Variants in TPGS1 observed in about 807,000 individuals in gnomAD.
TPGS1 encodes gene trap ROSA b-geo 22.
Under a neutral mutation model 11.9 loss-of-function variants are expected in TPGS1, and 18 were observed. That is an observed-to-expected ratio of 1.51 (90% confidence interval 1.04 to 2.24). The LOEUF (loss-of-function observed/expected upper bound fraction) is 2.24, where lower values mean the gene tolerates loss of function less well. TPGS1 is among the 30% of genes most tolerant of loss of function. The pLI is 0.00. For missense variants in TPGS1, 500 were observed against 443.0 expected, an observed-to-expected ratio of 1.13 and a Z score of -1.16; for synonymous variants, 247 against 218.2, an observed-to-expected ratio of 1.13 and a Z score of -1.16.
Position 519,156 on chromosome 19 carries a change from C to A in TPGS1, c.606C>A (p.Phe202Leu), listed in dbSNP as rs947833251. Residue 202 changes from phenylalanine (F) to leucine (L), a missense_variant, in exon 2 of 2, where the codon TTC becomes TTA. By Grantham distance (22) the Phe-to-Leu change is conservative. Coordinates refer to ENST00000359315, the MANE Select transcript of TPGS1 (RefSeq NM_033513.3). ...LEFVARAGAL[F>L]QLLEDSAAAV... The stretch of plus-strand genomic sequence containing the variant: ...TCGTGGCGCGCGCCGGCGCGCTCTT[C>A]CAGCTGCTGGAGGACTCGGCCGCCG... 8 of 1,511,104 alleles carry A rather than the reference C, an allele frequency of 5.3e-6. No individual in the cohort carries two copies. The highest frequency in any genetic ancestry group is 1.4e-5 in the African/African-American group (1 of 69,394). 93.6% of individuals were successfully genotyped at this position (1,511,104 alleles called of 1,614,324 possible).
intron 1 of TPGS1, among the ~76,000 whole-genome samples, chr19:512,814 G>C (rs906303535): frequency 6.6e-6 from 1 of 152,224 alleles, no homozygotes; most frequent in African/African-American, 2.4e-5. Context: ...CCTCCGAGGC[G>C]GGTCACGAAG....
chr19:507,607 G>A lies in TPGS1; in HGVS notation c.101G>A (p.Ser34Asn), dbSNP rs1443836262. 1.2e-5 allele frequency: 17 copies of A among 1,400,968 alleles called. No homozygotes were observed. The highest frequency in any genetic ancestry group is 1.5e-5 in the South Asian group (1 of 66,334). The allele number at this position is 1,400,968 out of a possible 1,614,324, so 86.8% of individuals were successfully genotyped here. A position where few individuals can be genotyped will look rare whatever the true frequency, so the allele number is the denominator to read the frequency against. ...SVSRAAGAAESEEDFLRQVGV... is the reference protein window; with the variant it reads ...SVSRAAGAAENEEDFLRQVGV... Reference sequence around the variant, plus strand: ...TCCCGGGCGGCGGGGGCGGCCGAGAGCGAGGAGGACTTCCTGCGGCAGGTC... The same window carrying A: ...TCCCGGGCGGCGGGGGCGGCCGAGAACGAGGAGGACTTCCTGCGGCAGGTC... Residue 34 changes from serine (S) to asparagine (N), a missense_variant, in exon 1 of 2, where the codon AGC becomes AAC. Transcript: ENST00000359315.
At chr19:509,158 G>C (rs4919909) in intron 1 of TPGS1, 33,440 of 152,130 alleles carry the variant, frequency 0.22, 4,453 homozygotes, top group Admixed American at 0.34. Context: ...CAGGAGAGAT[G>C]AGAAGAGCTC....
At chr19:516,393 T>C (rs1978955668) in intron 1 of TPGS1, among the ~76,000 whole-genome samples, 1 of 151,722 alleles carries the variant, frequency 6.6e-6, no homozygotes, top group African/African-American at 2.4e-5. Flanking sequence ...TTTTTCTTTT[T>C]TTTTTTTTTG....
intron 1 of TPGS1, chr19:509,956 C>CT (rs1978735275): frequency 6.6e-6 from 1 of 152,318 alleles, no homozygotes; most frequent in Admixed American, 6.5e-5. Flanking sequence ...CACAGACCTG[C>CT]GTGGCATCTG....
chr19:511,686 A>C (rs1053921802), intron 1 of TPGS1, among the ~76,000 whole-genome samples: 1 of 152,248 alleles, frequency 6.6e-6, no homozygotes, highest in Non-Finnish European at 1.5e-5. Context: ...GAGCTGGACC[A>C]GGGCTGCCGC....
chr19:519,032 TGGC>T lies in TPGS1; in HGVS notation c.484_486del (p.Ala162del). ...GACGGCCAAGCCCCCGAGGAGGTGG[TGGC>T]GCCGCTGCTGCGCAAGGTGCAGTGC... On this transcript the variant is annotated inframe_deletion, in exon 2 of 2. Transcript: ENST00000359315. The T allele has an allele frequency of 1.3e-6, 2 of 1,554,874 alleles. No individual in the cohort carries two copies. Among genetic ancestry groups the T allele is most frequent in the Non-Finnish European group, 1.7e-6 (2 of 1,156,736 alleles).
At chr19:516,310 A>G (rs1978952197) in intron 1 of TPGS1, among the ~76,000 whole-genome samples, 1 of 152,138 alleles carries the variant, frequency 6.6e-6, no homozygotes, top group Admixed American at 6.5e-5. Flanking sequence ...TAAGGCGGGA[A>G]CTACGTGAGG....
Position 519,381 on chromosome 19 carries a change from G to A in TPGS1, c.831G>A (p.Arg277=). The part of the protein sequence containing the change: ...APMTREEFLE[R]AAALFIAKVK... ...TGACCCGCGAGGAGTTTCTGGAGAG[G>A]GCCGCCGCGCTCTTCATCGCGAAGG... The change falls in exon 2 of 2, where the codon AGG becomes AGA. Residue 277 remains arginine (R), a synonymous_variant. Transcript: ENST00000359315. 1 of 1,225,104 alleles carries A rather than the reference G, an allele frequency of 8.2e-7. No individual in the cohort carries two copies. The highest frequency in any genetic ancestry group is 3.5e-5 in the South Asian group (1 of 28,486). The allele number at this position is 1,225,104 out of a possible 1,614,324, so 75.9% of individuals were successfully genotyped here.
Position 519,066 on chromosome 19 carries a change from C to T in TPGS1, c.516C>T (p.Asp172=). 2 of 1,537,486 alleles carry T rather than the reference C, an allele frequency of 1.3e-6. No individual in the cohort carries two copies. The highest frequency in any genetic ancestry group is 1.7e-6 in the Non-Finnish European group (2 of 1,148,202). Residue 172 remains aspartate (D), a synonymous_variant, in exon 2 of 2, where the codon GAC becomes GAT. Transcript: ENST00000359315. ...TGCTGCGCAAGGTGCAGTGCCGTGA[C>T]CACGAGGCGGTGCCGCTGAGCGTCT... The part of the protein sequence containing the change: ...APLLRKVQCR[D]HEAVPLSVFR...
At position 518,957 on chromosome 19, in the gene TPGS1, C is replaced by A. The variant is rs117112129; in HGVS notation, c.407C>A (p.Pro136Gln). The A allele has an allele frequency of 0.055, 86,405 of 1,583,862 alleles. 2,749 individuals carry two copies. The highest frequency in any genetic ancestry group is 0.1 in the South Asian group (9,264 of 88,858). The change falls in exon 2 of 2, where the codon CCG (proline) becomes CAG (glutamine). Residue 136 changes from proline to glutamine, a missense_variant. Pro to Gln is a moderately conservative substitution (Grantham distance 76). Coordinates refer to ENST00000359315, the MANE Select transcript of TPGS1 (RefSeq NM_033513.3). ...CLSAGGRRKR[P>Q]GLDGRTYSEL... Reference sequence around the variant, plus strand: ...AGCGCCGGCGGGCGCAGGAAGAGGCCGGGGCTGGACGGGCGCACCTACAGC... The same window carrying A: ...AGCGCCGGCGGGCGCAGGAAGAGGCAGGGGCTGGACGGGCGCACCTACAGC...
At chr19:514,392 G>A (rs941641290) in intron 1 of TPGS1, among the ~76,000 whole-genome samples, 2 of 151,062 alleles carry the variant, frequency 1.3e-5, no homozygotes, top group East Asian at 2.0e-4. Flanking sequence ...ACTGCACACC[G>A]CCCCAGCATT....
chr19:508,744 C>T (rs1392965048), intron 1 of TPGS1: 1 of 152,520 alleles, frequency 6.6e-6, no homozygotes, highest in African/African-American at 2.4e-5. Context: ...CCATGGCAGC[C>T]CTCGCCAGAG....
chr19:507,980 T>G, intron 1 of TPGS1, 136 bp downstream of exon 1: 3 of 617,374 alleles, frequency 4.9e-6, no homozygotes, highest in Non-Finnish European at 7.1e-6. Context: ...GATGCCTTCT[T>G]GGGTGGGATG....
At chr19:508,086 G>C (rs1282013390) in intron 1 of TPGS1, 2 of 390,886 alleles carry the variant, frequency 5.1e-6, no homozygotes, top group Non-Finnish European at 9.0e-6. Flanking sequence ...TTCGCCTTCT[G>C]TGATGCCTTT....
chr19:510,858 C>CGTCCT (rs1210050667), intron 1 of TPGS1, among the ~76,000 whole-genome samples: 1 of 152,216 alleles, frequency 6.6e-6, no homozygotes, highest in African/African-American at 2.4e-5. Context: ...CTCTGGGGGC[C>CGTCCT]GTCCTGGGTA....
chr19:512,847 T>G (rs1600400504), intron 1 of TPGS1, among the ~76,000 whole-genome samples: 1 of 152,172 alleles, frequency 6.6e-6, no homozygotes, highest in Non-Finnish European at 1.5e-5. Flanking sequence ...TCCCCCTCCC[T>G]CCTGGGTGGG....
At chr19:510,406 G>C (rs1252189737) in intron 1 of TPGS1, 1 of 152,470 alleles carries the variant, frequency 6.6e-6, no homozygotes, top group East Asian at 1.9e-4. Flanking sequence ...GAGCCTGGCA[G>C]ATTTGTCCCC....
chr19:512,593 T>TCAGGGGG (rs1978830631), intron 1 of TPGS1, among the ~76,000 whole-genome samples: 1 of 152,346 alleles, frequency 6.6e-6, no homozygotes, highest in South Asian at 2.1e-4. Flanking sequence ...CTCGCACGTT[T>TCAGGGGG]CAGGGGGCAA....
Sources: allele counts gnomAD v4.1 joint callset (sites outside exome capture counted in the v4.1 genomes callset), GRCh38; gene constraint gnomAD v4.1.1; transcripts MANE v1.5; gene names NCBI Gene and HGNC (gene_info 2026-07-23, HGNC 2026-07-21).